The following NR3C1 variants were observed in gnomAD, a reference collection of about 807,000 sequenced individuals.
NR3C1 encodes nuclear receptor subfamily 3 group C member 1, also known as glucocorticoid receptor.
Under a neutral mutation model 74.0 loss-of-function variants are expected in NR3C1, and 14 were observed. The ratio of observed to expected loss-of-function variants is 0.19; its 90% confidence interval spans 0.12 to 0.30. The LOEUF is 0.30. Ranked by LOEUF, NR3C1 falls within the 10% of genes least tolerant of loss-of-function variation. NR3C1 has a pLI of 1.00. For missense variants in NR3C1, 695 were observed against 909.8 expected, an observed-to-expected ratio of 0.76 and a Z score of 3.04; for synonymous variants, 308 against 332.5, an observed-to-expected ratio of 0.93 and a Z score of 0.80.
At chr5:143,421,210 T>C (rs1361400666) in intron 1 of NR3C1, among the ~76,000 whole-genome samples, 4 of 152,156 alleles carry the variant, frequency 2.6e-5, no homozygotes, top group Non-Finnish European at 4.4e-5. Context: ...GAGTGCTAAG[T>C]GTCACCTTTG....
intron 2 of NR3C1, among the ~76,000 whole-genome samples, chr5:143,333,682 C>T (rs568695857): frequency 7.4e-4 from 112 of 152,218 alleles, no homozygotes; most frequent in African/African-American, 2.5e-3. Context: ...GCAGGAAAAT[C>T]GCTTGAACCC....
intron 2 of NR3C1, among the ~76,000 whole-genome samples, chr5:143,356,248 G>A (rs553154847): frequency 1.8e-4 from 27 of 151,888 alleles, no homozygotes; most frequent in Non-Finnish European, 3.4e-4. Context: ...ACACAATATC[G>A]ATCTTAAAAT....
At chr5:143,290,074 T>C (rs1815502957) in intron 7 of NR3C1, among the ~76,000 whole-genome samples, 1 of 152,242 alleles carries the variant, frequency 6.6e-6, no homozygotes, top group South Asian at 2.1e-4. Context: ...AGTATTCTTG[T>C]TCTATGAATT....
intron 1 of NR3C1, among the ~76,000 whole-genome samples, chr5:143,409,776 A>G (rs1841233411): frequency 6.6e-6 from 1 of 152,170 alleles, no homozygotes; most frequent in South Asian, 2.1e-4. Context: ...CCACTTTGGT[A>G]TTCCTCGTTG....
chr5:143,343,357 G>A (rs576639167), intron 2 of NR3C1, among the ~76,000 whole-genome samples: 50 of 152,288 alleles, frequency 3.3e-4, no homozygotes, highest in Non-Finnish European at 6.5e-4. Context: ...CAGGTTGCTT[G>A]ACCTGATAGT....
chr5:143,309,686 A>T (rs1375887892), intron 4 of NR3C1, among the ~76,000 whole-genome samples: 1 of 152,186 alleles, frequency 6.6e-6, no homozygotes, highest in Non-Finnish European at 1.5e-5. Context: ...CAGATCTCCA[A>T]GTAAAAGGTA....
intron 4 of NR3C1, among the ~76,000 whole-genome samples, chr5:143,307,520 G>T (rs1042921315): frequency 6.6e-6 from 1 of 152,132 alleles, no homozygotes; most frequent in Non-Finnish European, 1.5e-5. Flanking sequence ...AAACTCCAAA[G>T]ATCTTAAACT....
Position 143,400,319 on chromosome 5 carries a change from G to A in NR3C1, c.521C>T (p.Thr174Ile). 1.2e-6 allele frequency: 2 copies of A among 1,612,962 alleles called. No individual in the cohort carries two copies. Among genetic ancestry groups the A allele is most frequent in the African/African-American group, 2.7e-5 (2 of 74,924 alleles). ...TTTCACATTGCCACCGTTGGTGCCA[G>A]TCTGGCCCTTCAAATGTTGCTGTTC... ...SSEQQHLKGQTGTNGGNVKLY... is the reference protein window; with the variant it reads ...SSEQQHLKGQIGTNGGNVKLY... Residue 174 changes from threonine (T) to isoleucine (I), a missense_variant, in exon 2 of 9, where the codon ACT becomes ATT. By Grantham distance (89) the Thr-to-Ile change is moderately conservative. Around this residue, in one of 4 missense-constraint regions of NR3C1, gnomAD observed 497 missense variants for 489.5 expected, o/e 1.02. Coordinates refer to ENST00000394464, the MANE Select transcript of NR3C1 (RefSeq NM_000176.3).
chr5:143,403,300 G>A lies in NR3C1; in HGVS notation c.-103C>T, dbSNP rs1840705562. On this transcript the variant is annotated 5_prime_UTR_variant, in exon 1 of 9. Coordinates refer to ENST00000394464, the MANE Select transcript of NR3C1 (RefSeq NM_000176.3). ...TTAGCTTGTGAACGCAGAAGGAGCA[G>A]GAGGGAAATATATTTTTTTTTTCTA... 2 of 984,468 alleles carry A rather than the reference G, an allele frequency of 2.0e-6. No individual in the cohort carries two copies. The highest frequency in any genetic ancestry group is 3.5e-5 in the African/African-American group (2 of 57,028). 61.0% of individuals were successfully genotyped at this position (984,468 alleles called of 1,614,324 possible).
chr5:143,290,562 T>C (rs1330469824), intron 7 of NR3C1, among the ~76,000 whole-genome samples: 1 of 152,170 alleles, frequency 6.6e-6, no homozygotes, highest in Non-Finnish European at 1.5e-5. Flanking sequence ...GAGCATTCAG[T>C]CCATCTCTAC....
intron 3 of NR3C1, among the ~76,000 whole-genome samples, chr5:143,312,679 C>T (rs758777258): frequency 6.6e-6 from 1 of 152,176 alleles, no homozygotes; most frequent in African/African-American, 2.4e-5. Flanking sequence ...AGGAGCCATA[C>T]TGAATGCGTA....
upstream of NR3C1, chr5:143,403,985 C>T: frequency 3.0e-6 from 3 of 984,898 alleles, no homozygotes; most frequent in Non-Finnish European, 3.6e-6. Context: ...CGGGGGCCGA[C>T]CTGGTCTCTC....
At chr5:143,310,395 T>A (rs1820634009) in intron 3 of NR3C1, among the ~76,000 whole-genome samples, 182 bp from the exon 4 acceptor site, 1 of 152,156 alleles carries the variant, frequency 6.6e-6, no homozygotes, top group Non-Finnish European at 1.5e-5. Context: ...AAAAAGAGTC[T>A]CCCTTTTTCT....
intron 2 of NR3C1, among the ~76,000 whole-genome samples, chr5:143,383,049 G>A (rs755445746): frequency 6.6e-5 from 10 of 152,130 alleles, no homozygotes; most frequent in South Asian, 4.1e-4. Flanking sequence ...CTGAATGAAC[G>A]GAAAAATATT....
At chr5:143,332,675 C>T (rs1826228948) in intron 2 of NR3C1, 2 of 1,584,576 alleles carry the variant, frequency 1.3e-6, no homozygotes, top group Non-Finnish European at 1.7e-6. Flanking sequence ...TACATGATTC[C>T]TGGCGGCAGA....
chr5:143,403,573 A>T lies in NR3C1; in HGVS notation c.-376T>A. On this transcript the variant is annotated 5_prime_UTR_variant, in exon 1 of 9. Transcript: ENST00000394464. ...GGTGACTCGGGCTCCCGTCACAGAC[A>T]CGAGCTCGCAAAATGGAGGAGGCGG... 1 of 986,154 alleles carries T rather than the reference A, an allele frequency of 1.0e-6. No individual in the cohort carries two copies. Among genetic ancestry groups the T allele is most frequent in the African/African-American group, 1.7e-5 (1 of 57,370 alleles). 61.1% of individuals were successfully genotyped at this position (986,154 alleles called of 1,614,324 possible).
intron 2 of NR3C1, among the ~76,000 whole-genome samples, chr5:143,348,604 TG>T (rs1199807837): frequency 1.3e-5 from 2 of 152,182 alleles, no homozygotes; most frequent in African/African-American, 2.4e-5. Flanking sequence ...TTGTGCTTTT[TG>T]TTGGGAATTT....
intron 3 of NR3C1, among the ~76,000 whole-genome samples, chr5:143,311,788 GTTTTTTT>G (rs34827388): frequency 1.7e-5 from 2 of 119,414 alleles, no homozygotes; most frequent in Non-Finnish European, 3.5e-5. Context: ...CCTGGATAAC[GTTTTTTT>G]TTTTTTTTTT....
chr5:143,287,042 T>C (rs1003759227), intron 7 of NR3C1, among the ~76,000 whole-genome samples: 2 of 151,506 alleles, frequency 1.3e-5, no homozygotes, highest in African/African-American at 4.8e-5. Context: ...GAAAATGAAA[T>C]GAATGAAAAT....
Sources: gnomAD v4.1 joint callset for allele counts (sites outside exome capture counted in the v4.1 genomes callset) on GRCh38, gnomAD v4.1.1 for gene constraint, gnomAD v4.1.1 regional missense constraint, MANE v1.5 for transcripts, NCBI Gene and HGNC (gene_info 2026-07-23, HGNC 2026-07-21) for gene names.